The following FHOD1 variants were observed in gnomAD, a reference collection of about 807,000 sequenced individuals.
FHOD1 encodes FH1/FH2 domain-containing protein 1.
FHOD1 carries 89 observed loss-of-function variants against 111.6 expected under a neutral mutation model. The observed-to-expected ratio is 0.80, with a 90% CI of 0.67 to 0.95. The LOEUF (loss-of-function observed/expected upper bound fraction) is 0.95. Ranked by LOEUF, FHOD1 falls within the 40% of genes least tolerant of loss-of-function variation. FHOD1 has a pLI of 0.00. For missense variants in FHOD1, 1,446 were observed against 1,554.2 expected (o/e 0.93, Z 1.17); for synonymous variants, 618 against 639.0 (o/e 0.97, Z 0.50).
In FHOD1 at chr16:67,238,994, C is replaced by G. The variant is rs928054983; in HGVS notation, c.309-27G>C. On this transcript the variant is annotated intron_variant, in intron 2 of 21. Coordinates refer to ENST00000258201, the MANE Select transcript of FHOD1 (RefSeq NM_013241.3). The surrounding 1 kb of genome is among the most constrained non-coding windows in gnomAD (Gnocchi z 4.2). ...TGGAATCAAGGATCTCTGTTAGCAG[C>G]TCCCAGCCTATCCCTCAGCATTCCT... 6.2e-7 allele frequency: 1 copy of G among 1,611,740 alleles called. No individual in the cohort carries two copies. The highest frequency in any genetic ancestry group is 8.5e-7 in the Non-Finnish European group (1 of 1,177,958).
At chr16:67,246,697 C>T (rs1189055249) in intron 1 of FHOD1, among the ~76,000 whole-genome samples, 1 of 152,220 alleles carries the variant, frequency 6.6e-6, no homozygotes, top group Non-Finnish European at 1.5e-5. Context: ...CTCTCCTCGG[C>T]CGGCACTCCC....
intron 1 of FHOD1, among the ~76,000 whole-genome samples, chr16:67,246,076 C>G (rs1292817189): frequency 6.6e-6 from 1 of 152,250 alleles, no homozygotes; most frequent in Non-Finnish European, 1.5e-5. Context: ...GGGTTCTGGC[C>G]TGGACACGTG....
chr16:67,237,921 G>T lies in FHOD1; in HGVS notation c.642+113C>A. 1 of 1,337,304 alleles carries T rather than the reference G, an allele frequency of 7.5e-7. No homozygotes were observed. The highest frequency in any genetic ancestry group is 1.1e-6 in the Non-Finnish European group (1 of 942,250). 82.8% of individuals were successfully genotyped at this position (1,337,304 alleles called of 1,614,324 possible). A position where few individuals can be genotyped will look rare whatever the true frequency, so the allele number is the denominator to read the frequency against. On this transcript the variant is annotated intron_variant, in intron 6 of 21. Coordinates refer to ENST00000258201, the MANE Select transcript of FHOD1 (RefSeq NM_013241.3). The surrounding 1 kb of genome is among the most constrained non-coding windows in gnomAD (Gnocchi z 5.6). ...GCCCAGGCACTGAAGTGCCTTATAG[G>T]CTTACAGAGGCCTCAGACTCACTCC...
rs2034383157 is a variant in FHOD1, at chr16:67,234,024, A to G, written c.1679T>C (p.Val560Ala). ...GTCTTTCCCAGCCTCCACAGACTCTACATTCAGCATGTCCTGGTCTTCATC... is the reference window on the plus strand; with the variant it reads ...GTCTTTCCCAGCCTCCACAGACTCTGCATTCAGCATGTCCTGGTCTTCATC... ...GEDEDQDMLN[V>A]ESVEAGKDIP... The change falls in exon 13 of 22, where the codon GTA becomes GCA. Residue 560 changes from valine to alanine, a missense_variant. Transcript: ENST00000258201. 6.2e-7 allele frequency: 1 copy of G among 1,613,718 alleles called. No homozygotes were observed. Among genetic ancestry groups the G allele is most frequent in the East Asian group, 2.2e-5 (1 of 44,866 alleles).
At position 67,230,074 on chromosome 16, in the gene FHOD1, C is replaced by T. The variant is rs145161451; in HGVS notation, c.3206G>A (p.Arg1069His). Residue 1069 changes from arginine (R) to histidine (H), a missense_variant, in exon 20 of 22, where the codon CGC (arginine) becomes CAC (histidine). By Grantham distance (29) the Arg-to-His change is conservative. This residue lies in a region of FHOD1 where 1,085 missense variants were observed against 1,108.8 expected (regional missense o/e 0.98). Coordinates refer to ENST00000258201, the MANE Select transcript of FHOD1 (RefSeq NM_013241.3). The stretch of plus-strand genomic sequence containing the variant: ...GCTGCTATGGGCCTCACCTCTGCTG[C>T]GGCGATTGTGTGTGGTGTCCTCAGG... ...SRPEDTTHNR[R>H]SRGMVQSSSP... 29 of 1,613,806 alleles carry T rather than the reference C, an allele frequency of 1.8e-5. No individual in the cohort carries two copies. In the African/African-American group the frequency reaches 2.0e-4, roughly 11 times the overall value.
rs767439694 is a variant in FHOD1, at chr16:67,238,507, G to A, written c.374-60C>T. Reference sequence around the variant, plus strand: ...ACAGACTCACTGTCTTCCTCTGCTTGGATACAACCACAACTCTCCACCAAA... The same window carrying A: ...ACAGACTCACTGTCTTCCTCTGCTTAGATACAACCACAACTCTCCACCAAA... On this transcript the variant is annotated intron_variant, in intron 3 of 21. Coordinates refer to ENST00000258201, the MANE Select transcript of FHOD1 (RefSeq NM_013241.3). The surrounding 1 kb of genome is among the most constrained non-coding windows in gnomAD (Gnocchi z 4.2). The A allele has an allele frequency of 1.4e-6, 2 of 1,459,786 alleles. No individual in the cohort carries two copies. The highest frequency in any genetic ancestry group is 2.8e-5 in the African/African-American group (2 of 71,840). The allele number at this position is 1,459,786 out of a possible 1,614,324, so 90.4% of individuals were successfully genotyped here. A position where few individuals can be genotyped will look rare whatever the true frequency, so the allele number is the denominator to read the frequency against.
rs374375025 is a variant in FHOD1 at position 67,237,028 on chromosome 16, C to T, written c.1080G>A (p.Glu360=). ...RRERRKPSSE[E]GKRSRRSLEG... ...CCAGAGAACGGCGGCTCCTCTTGCC[C>T]TCCTCAGAAGAAGGCTTTCGTCGTT... Residue 360 remains glutamate (E), a synonymous_variant, in exon 10 of 22, where the codon GAG becomes GAA. Transcript: ENST00000258201. The surrounding 1 kb of genome is among the most constrained non-coding windows in gnomAD (Gnocchi z 5.6). The T allele has an allele frequency of 1.2e-6, 2 of 1,612,974 alleles. No homozygotes were observed. The highest frequency in any genetic ancestry group is 1.7e-6 in the Non-Finnish European group (2 of 1,179,680).
rs2034184806 is a variant in FHOD1 at position 67,229,957 on chromosome 16, G to A, written c.3248C>T (p.Thr1083Ile). The change falls in exon 21 of 22, where the codon ACA (threonine) becomes ATA (isoleucine). Residue 1083 changes from threonine (T) to isoleucine (I), a missense_variant. Thr to Ile is a moderately conservative substitution (Grantham distance 89). Transcript: ENST00000258201. ...MVQSSSPIMP[T>I]VGPSTASPEE... Reference sequence around the variant, plus strand: ...TGGGGATGCAGTGGAGGGCCCCACTGTGGGCATGATTGGGGAGCTGCTCTG... The same window carrying A: ...TGGGGATGCAGTGGAGGGCCCCACTATGGGCATGATTGGGGAGCTGCTCTG... 6.2e-7 allele frequency: 1 copy of A among 1,614,212 alleles called. No homozygotes were observed. The highest frequency in any genetic ancestry group is 2.2e-5 in the East Asian group (1 of 44,884).
chr16:67,235,883 G>T (rs1229945863), intron 11 of FHOD1: 3 of 207,954 alleles, frequency 1.4e-5, no homozygotes, highest in Non-Finnish European at 2.5e-5. Flanking sequence ...TACCGAGGAG[G>T]CATATGTCTG....
At position 67,237,907 on chromosome 16, in the gene FHOD1, G is replaced by A. The variant is rs2034550999; in HGVS notation, c.642+127C>T. On this transcript the variant is annotated intron_variant, in intron 6 of 21. Transcript: ENST00000258201. This position sits in a 1 kb window ranked among gnomAD's most constrained non-coding sequence, Gnocchi z 5.6. ...GACCCTGGCCCCAGGCCCAGGCACT[G>A]AAGTGCCTTATAGGCTTACAGAGGC... is the stretch of plus-strand genomic sequence containing the variant. 3 of 1,299,854 alleles carry A rather than the reference G, an allele frequency of 2.3e-6. No homozygotes were observed. The highest frequency in any genetic ancestry group is 3.3e-6 in the Non-Finnish European group (3 of 909,614). 80.5% of individuals were successfully genotyped at this position (1,299,854 alleles called of 1,614,324 possible).
At chr16:67,243,598 G>A (rs952252153) in intron 1 of FHOD1, among the ~76,000 whole-genome samples, 1 of 152,178 alleles carries the variant, frequency 6.6e-6, no homozygotes, top group Non-Finnish European at 1.5e-5. Flanking sequence ...CATTGCCCCA[G>A]GGTGCACAGC....
intron 1 of FHOD1, among the ~76,000 whole-genome samples, chr16:67,245,973 T>C (rs1162623574): frequency 6.6e-6 from 1 of 152,174 alleles, no homozygotes; most frequent in East Asian, 1.9e-4. Context: ...ACACCTCAAT[T>C]TGCCCCTCTG....
intron 12 of FHOD1, 31 bp downstream of exon 12, chr16:67,234,326 G>A (rs1346359271): frequency 1.9e-6 from 3 of 1,604,786 alleles, no homozygotes; most frequent in Non-Finnish European, 1.7e-6. Flanking sequence ...AAAGCAACAG[G>A]CAGGCTCTGC....
chr16:67,238,124 G>A lies in FHOD1; in HGVS notation c.552C>T (p.Leu184=), dbSNP rs763210378. ...CATCCACAAAGAGCATCAGCTGGCC[G>A]AGCGCTGGGGAAACAGGGATGGGCA... The part of the protein sequence containing the change: ...HNYQSYILRA[L]GQLMLFVDGM... The change falls in exon 6 of 22, where the codon CTC becomes CTT. Residue 184 remains leucine, a synonymous_variant. Coordinates refer to ENST00000258201, the MANE Select transcript of FHOD1 (RefSeq NM_013241.3). The surrounding 1 kb of genome is among the most constrained non-coding windows in gnomAD (Gnocchi z 4.2). The A allele has an allele frequency of 1.9e-5, 30 of 1,614,060 alleles. No homozygotes were observed. The Middle Eastern group carries it at 4.9e-4, about 27-fold the overall frequency.
intron 1 of FHOD1, 41 bp downstream of exon 1, chr16:67,247,169 T>A: frequency 6.7e-7 from 1 of 1,487,244 alleles, no homozygotes; most frequent in Non-Finnish European, 8.9e-7. Flanking sequence ...GCGCCCACCC[T>A]GAACCCCCGA....
At position 67,229,619 on chromosome 16, in the gene FHOD1, T is replaced by G. The variant is rs760644630; in HGVS notation, c.*17A>C. 2.5e-6 allele frequency: 4 copies of G among 1,611,314 alleles called. No individual in the cohort carries two copies. The highest frequency in any genetic ancestry group is 1.3e-5 in the African/African-American group (1 of 74,842). On this transcript the variant is annotated 3_prime_UTR_variant, in exon 22 of 22. Coordinates refer to ENST00000258201, the MANE Select transcript of FHOD1 (RefSeq NM_013241.3). Reference sequence around the variant, plus strand: ...CTGCAGTCCAGGGTCCAGATAGATTTCCGGGATACAGCACCTTCACACCTC... The same window carrying G: ...CTGCAGTCCAGGGTCCAGATAGATTGCCGGGATACAGCACCTTCACACCTC...
intron 1 of FHOD1, among the ~76,000 whole-genome samples, chr16:67,240,990 C>A (rs749355947): frequency 6.6e-6 from 1 of 152,132 alleles, no homozygotes; most frequent in African/African-American, 2.4e-5. Context: ...TGGCCTTGGT[C>A]CCCTGGAGAA....
Position 67,238,672 on chromosome 16 carries a change from C to T in FHOD1, c.374-225G>A. Reference sequence around the variant, plus strand: ...CCTCAAGCAATTCTCCCACCTTGACCTCTCAAAGCACTGGCATTGGAGGCA... The same window carrying T: ...CCTCAAGCAATTCTCCCACCTTGACTTCTCAAAGCACTGGCATTGGAGGCA... On this transcript the variant is annotated intron_variant, in intron 3 of 21. Transcript: ENST00000258201. The surrounding 1 kb of genome is among the most constrained non-coding windows in gnomAD (Gnocchi z 4.2). 1.5e-6 allele frequency: 1 copy of T among 658,450 alleles called. No homozygotes were observed. Among genetic ancestry groups the T allele is most frequent in the South Asian group, 1.8e-5 (1 of 55,382 alleles). The allele number at this position is 658,450 out of a possible 1,614,324, so 40.8% of individuals were successfully genotyped here. A position where few individuals can be genotyped will look rare whatever the true frequency, so the allele number is the denominator to read the frequency against.
rs567754359 is a variant in FHOD1, at chr16:67,237,832, G to A, written c.643-64C>T. On this transcript the variant is annotated intron_variant, in intron 6 of 21. Coordinates refer to ENST00000258201, the MANE Select transcript of FHOD1 (RefSeq NM_013241.3). The surrounding 1 kb of genome is among the most constrained non-coding windows in gnomAD (Gnocchi z 5.6). The stretch of plus-strand genomic sequence containing the variant: ...CCAGACCTGTGCCAGCTGTTGCTGG[G>A]GAAGGGGAAGGGCTGCTGGGGCTGG... 1,334 of 1,471,694 alleles carry A rather than the reference G, an allele frequency of 9.1e-4. 1 individual carries two copies. Among genetic ancestry groups the A allele is most frequent in the Non-Finnish European group, 1.2e-3 (1,262 of 1,052,152 alleles). 91.2% of individuals were successfully genotyped at this position (1,471,694 alleles called of 1,614,324 possible).
Sources: allele counts gnomAD v4.1 joint callset (sites outside exome capture counted in the v4.1 genomes callset), GRCh38; gene constraint gnomAD v4.1.1; regional missense constraint gnomAD v4.1.1; non-coding constraint Gnocchi (gnomAD v3.1); transcripts MANE v1.5; gene names NCBI Gene and HGNC (gene_info 2026-07-23, HGNC 2026-07-21).